Variants in LAMA4 observed in about 807,000 individuals in gnomAD.
LAMA4 encodes laminin subunit alpha 4, also known as laminin subunit alpha-4.
In LAMA4, 127 loss-of-function variants were observed where a neutral mutation model predicts 207.1. That is an observed-to-expected ratio of 0.61 (90% CI 0.53 to 0.71). The LOEUF is 0.71. Ranked by LOEUF, LAMA4 falls within the 30% of genes least tolerant of loss-of-function variation. The pLI is 0.00. For missense variants in LAMA4, 2,093 were observed against 2,246.5 expected, an observed-to-expected ratio of 0.93 and a Z score of 1.38; for synonymous variants, 761 against 816.0, an observed-to-expected ratio of 0.93 and a Z score of 1.15.
In LAMA4 at chr6:112,108,809, AGTAGTTGATTTC is replaced by A. The variant is rs1313791102; in HGVS notation, c.*616_*627del. 1 of 152,428 alleles carries A rather than the reference AGTAGTTGATTTC, an allele frequency of 6.6e-6. No individual in the cohort carries two copies. Among genetic ancestry groups the A allele is most frequent in the Admixed American group, 6.5e-5 (1 of 15,276 alleles). The allele number at this position is 152,428 out of a possible 1,614,324, so 9.4% of individuals were successfully genotyped here. On this transcript the variant is annotated 3_prime_UTR_variant, in exon 39 of 39. Transcript: ENST00000230538. ...TTTAAGGAGATAAGGAAGGGGAAAA[AGTAGTTGATTTC>A]CTGTGTTTCTTATTTAGAAAAAATT...
intron 13 of LAMA4, chr6:112,163,974 A>T (rs1246147943): frequency 6.6e-6 from 1 of 152,338 alleles, no homozygotes; most frequent in Non-Finnish European, 1.5e-5. Flanking sequence ...GCACAGATGC[A>T]GGCGGGCCGG....
chr6:112,253,026 C>G (rs1021792046), intron 2 of LAMA4, among the ~76,000 whole-genome samples: 1 of 152,206 alleles, frequency 6.6e-6, no homozygotes, highest in African/African-American at 2.4e-5. Flanking sequence ...TAGCAATAAT[C>G]CATGCATCAG....
Position 112,254,205 on chromosome 6 carries a change from G to A in LAMA4, c.-55C>T, listed in dbSNP as rs1787696128. 9 of 1,608,590 alleles carry A rather than the reference G, an allele frequency of 5.6e-6. No homozygotes were observed. The highest frequency in any genetic ancestry group is 7.6e-6 in the Non-Finnish European group (9 of 1,178,568). On this transcript the variant is annotated 5_prime_UTR_variant, in exon 2 of 39. The change creates a new upstream start codon in the 5' untranslated region. Transcript: ENST00000230538. ...CAGGGCTCGGGCGCTGTGGGTCTCC[G>A]TAGGTCTCCCGCGTGGTGCGGCGGT...
intron 24 of LAMA4, among the ~76,000 whole-genome samples, chr6:112,137,092 T>C (rs782306680): frequency 2.0e-5 from 3 of 152,176 alleles, no homozygotes; most frequent in Non-Finnish European, 4.4e-5. Flanking sequence ...TTTATGTAAA[T>C]AAATATAGAA....
intron 6 of LAMA4, among the ~76,000 whole-genome samples, chr6:112,190,963 T>TCTTTCTTTC (rs1783072517): frequency 1.4e-5 from 2 of 146,124 alleles, no homozygotes; most frequent in African/African-American, 5.1e-5. Flanking sequence ...TTTCTTTCTT[T>TCTTTCTTTC]CTTTCTTTCT....
At chr6:112,124,926 T>G (rs1778598233) in intron 31 of LAMA4, among the ~76,000 whole-genome samples, 1 of 152,112 alleles carries the variant, frequency 6.6e-6, no homozygotes, top group Admixed American at 6.5e-5. Context: ...CCAGCCAATT[T>G]TTGTATTTTT....
chr6:112,241,241 G>GTA (rs556598958), intron 2 of LAMA4, among the ~76,000 whole-genome samples: 12 of 131,946 alleles, frequency 9.1e-5, no homozygotes, highest in South Asian at 5.0e-4. Flanking sequence ...ATATGAATGT[G>GTA]TATATATATA....
chr6:112,187,626 A>G (rs1357589572), intron 7 of LAMA4, 25 bp from the exon 8 acceptor site: 2 of 1,611,398 alleles, frequency 1.2e-6, no homozygotes, highest in East Asian at 2.2e-5. Flanking sequence ...TTTCTTCAGA[A>G]TCACAAGTCA....
Position 112,150,545 on chromosome 6 carries a change from A to C in LAMA4, c.2139T>G (p.Ser713Arg). The C allele has an allele frequency of 1.2e-6, 2 of 1,613,670 alleles. No individual in the cohort carries two copies. The highest frequency in any genetic ancestry group is 1.7e-6 in the Non-Finnish European group (2 of 1,179,618). The change falls in exon 17 of 39, where the codon AGT becomes AGG. Residue 713 changes from serine to arginine, a missense_variant. Ser to Arg is a moderately radical substitution (Grantham distance 110). Around this residue, in one of 3 missense-constraint regions of LAMA4, gnomAD observed 1,704 missense variants for 1,788.4 expected, o/e 0.95. Transcript: ENST00000230538. The part of the protein sequence containing the change: ...ARKSALKTRL[S>R]DAVKQLQAAE... ...CTGCTTGTAGTTGCTTAACGGCATC[A>C]CTGAGTCTGGTTTTAAGGGCACTTT...
chr6:112,140,955 T>A, intron 21 of LAMA4, 33 bp from the exon 22 acceptor site: 1 of 1,568,092 alleles, frequency 6.4e-7, no homozygotes. Flanking sequence ...CTTGTTATTA[T>A]ATAATTCATA....
chr6:112,132,853 A>G lies in LAMA4; in HGVS notation c.3734T>C (p.Ile1245Thr). The stretch of plus-strand genomic sequence containing the variant: ...GAAAGATATTTTCTGAATTGAAGCA[A>G]TGAAGCTCTGTCCATTGAAATATGC... Reference protein sequence around the residue: ...RRAYFNGQSFIASIQKISFFD... With the variant: ...RRAYFNGQSFTASIQKISFFD... Residue 1245 changes from isoleucine to threonine, a missense_variant, in exon 28 of 39, where the codon ATT (isoleucine) becomes ACT (threonine). This residue lies in a region of LAMA4 where 1,704 missense variants were observed against 1,788.4 expected (regional missense o/e 0.95). Transcript: ENST00000230538. 1.9e-6 allele frequency: 3 copies of G among 1,613,198 alleles called. No homozygotes were observed. Among genetic ancestry groups the G allele is most frequent in the Non-Finnish European group, 2.5e-6 (3 of 1,179,304 alleles).
At chr6:112,125,967 A>G (rs1278697782) in intron 31 of LAMA4, among the ~76,000 whole-genome samples, 3 of 152,256 alleles carry the variant, frequency 2.0e-5, no homozygotes, top group Non-Finnish European at 2.9e-5. Context: ...ACAAGGGTCA[A>G]TATAAGAAAA....
chr6:112,212,933 C>T (rs1361500120), intron 3 of LAMA4, among the ~76,000 whole-genome samples: 1 of 152,174 alleles, frequency 6.6e-6, no homozygotes, highest in Non-Finnish European at 1.5e-5. Flanking sequence ...CATGAAAATG[C>T]TAGTGTCTGC....
chr6:112,182,709 G>A (rs1335494344), intron 9 of LAMA4, among the ~76,000 whole-genome samples: 1 of 152,212 alleles, frequency 6.6e-6, no homozygotes, highest in Admixed American at 6.5e-5. Context: ...GGGCTCTGCA[G>A]TGGACCTTCA....
chr6:112,169,206 G>A (rs782819103), intron 12 of LAMA4, among the ~76,000 whole-genome samples: 1 of 152,134 alleles, frequency 6.6e-6, no homozygotes, highest in Non-Finnish European at 1.5e-5. Flanking sequence ...TAGGCAGGGG[G>A]CAGACCAAAA....
intron 31 of LAMA4, among the ~76,000 whole-genome samples, chr6:112,127,925 A>G (rs1778798909): frequency 6.6e-6 from 1 of 152,222 alleles, no homozygotes; most frequent in Non-Finnish European, 1.5e-5. Flanking sequence ...AAGTAAATGA[A>G]TGAGAAAGAA....
intron 38 of LAMA4, among the ~76,000 whole-genome samples, chr6:112,113,557 C>T (rs1583624138): frequency 6.6e-6 from 1 of 152,320 alleles, no homozygotes; most frequent in South Asian, 2.1e-4. Flanking sequence ...GCAGCAGTGA[C>T]TGATGATGTT....
chr6:112,242,871 T>C (rs1254933930), intron 2 of LAMA4, among the ~76,000 whole-genome samples: 1 of 152,242 alleles, frequency 6.6e-6, no homozygotes, highest in African/African-American at 2.4e-5. Flanking sequence ...ATGTTTATAA[T>C]GATTAATAAT....
At chr6:112,212,373 G>A (rs868984011) in intron 3 of LAMA4, among the ~76,000 whole-genome samples, 2 of 151,982 alleles carry the variant, frequency 1.3e-5, no homozygotes, top group Admixed American at 6.6e-5. Context: ...ACAGGCGCCC[G>A]CCACAATACC....
Sources: gnomAD v4.1 joint callset for allele counts (sites outside exome capture counted in the v4.1 genomes callset) on GRCh38, gnomAD v4.1.1 for gene constraint, gnomAD v4.1.1 regional missense constraint, MANE v1.5 for transcripts, NCBI Gene and HGNC (gene_info 2026-07-23, HGNC 2026-07-21) for gene names.